ZNF423: variants seen among roughly 807,000 people sequenced by gnomAD.
The protein encoded by ZNF423 is zinc finger protein 423.
Under a neutral mutation model 95.8 loss-of-function variants are expected in ZNF423, and 12 were observed. The observed-to-expected ratio is 0.13, with a 90% CI of 0.08 to 0.20. The LOEUF is 0.20. ZNF423 is among the 10% of genes least tolerant of loss of function. The pLI, the probability that ZNF423 is intolerant of heterozygous loss-of-function variation, is 1.00. For synonymous variants in ZNF423, 749 were observed against 711.9 expected (o/e 1.05, Z -0.83); for missense variants, 1,316 against 1,737.1 (o/e 0.76, Z 4.31).
chr16:49,614,330 C>A (rs945590922), intron 5 of ZNF423, among the ~76,000 whole-genome samples: 7 of 152,242 alleles, frequency 4.6e-5, no homozygotes, highest in African/African-American at 1.7e-4. Context: ...GAAATGTGAT[C>A]TTTCCTACAT....
At chr16:49,763,081 T>A (rs1438409734) in intron 2 of ZNF423, among the ~76,000 whole-genome samples, 2 of 152,022 alleles carry the variant, frequency 1.3e-5, no homozygotes, top group Non-Finnish European at 2.9e-5. Context: ...TCACCCAGGC[T>A]AGTCTCAAAC....
chr16:49,664,363 G>C, intron 3 of ZNF423: 3 of 908,950 alleles, frequency 3.3e-6, no homozygotes, highest in Non-Finnish European at 3.9e-6. Flanking sequence ...GGAAGAAAAG[G>C]GGCTGGGAAA....
At position 49,635,717 on chromosome 16, in the gene ZNF423, G is replaced by T. The variant is rs1200882840; in HGVS notation, c.3459C>A (p.Asp1153Glu). Reference sequence around the variant, plus strand: ...GGGGCCCACTGGTCTCCGGCGTGAGGTCACGGTGGTCCACCTGCATGTGGC... The same window carrying T: ...GGGGCCCACTGGTCTCCGGCGTGAGTTCACGGTGGTCCACCTGCATGTGGC... Reference protein sequence around the residue: ...LESHMQVDHRDLTPETSGPRK... With the variant: ...LESHMQVDHRELTPETSGPRK... The change falls in exon 4 of 8, where the codon GAC (aspartate) becomes GAA (glutamate). Residue 1153 changes from aspartate to glutamate, a missense_variant. Asp to Glu is a conservative substitution (Grantham distance 45). This residue lies in a region of ZNF423 where 620 missense variants were observed against 775.6 expected (regional missense o/e 0.80). Transcript: ENST00000563137. The surrounding 1 kb of genome is among the most constrained non-coding windows in gnomAD (Gnocchi z 4.8). 4 of 1,609,550 alleles carry T rather than the reference G, an allele frequency of 2.5e-6. No individual in the cohort carries two copies. In the East Asian group the frequency reaches 8.9e-5, roughly 36 times the overall value.
chr16:49,796,261 G>A (rs77603390), intron 1 of ZNF423, among the ~76,000 whole-genome samples: 13,291 of 152,178 alleles, frequency 0.087, 715 homozygotes, highest in Middle Eastern at 0.15. Context: ...TGCCACCACC[G>A]AGATCCCTTG....
chr16:49,661,719 G>A (rs1567274223), intron 3 of ZNF423, among the ~76,000 whole-genome samples: 1 of 152,196 alleles, frequency 6.6e-6, no homozygotes, highest in Non-Finnish European at 1.5e-5. Context: ...AATTCCTGGG[G>A]CAGTGAGCAC....
In ZNF423 at chr16:49,855,002, T is replaced by C; in HGVS notation, c.40+733A>G. On this transcript the variant is annotated intron_variant, in intron 1 of 7. Transcript: ENST00000563137. The surrounding 1 kb of genome is among the most constrained non-coding windows in gnomAD (Gnocchi z 4.7). ...GCGGAGGGGCGCGCACCGCGGCCGC[T>C]GAGCTCCCCTGAGGACCTGCGTCCC... The C allele has an allele frequency of 4.1e-6, 4 of 984,360 alleles. No homozygotes were observed. The highest frequency in any genetic ancestry group is 2.4e-6 in the Non-Finnish European group (2 of 829,568). 61.0% of individuals were successfully genotyped at this position (984,360 alleles called of 1,614,324 possible). A position where few individuals can be genotyped will look rare whatever the true frequency, so the allele number is the denominator to read the frequency against.
intron 3 of ZNF423, among the ~76,000 whole-genome samples, chr16:49,696,313 G>A (rs1247507914): frequency 7.2e-5 from 11 of 152,150 alleles, no homozygotes; most frequent in Admixed American, 5.9e-4. Context: ...TCATACATGG[G>A]GTATTATTAT....
chr16:49,525,694 G>A (rs1240591643), intron 5 of ZNF423, among the ~76,000 whole-genome samples, 200 bp from the exon 6 acceptor site: 1 of 152,120 alleles, frequency 6.6e-6, no homozygotes. Context: ...CAGAGGACCG[G>A]CTCCAAATAT....
At chr16:49,555,948 C>A (rs888936700) in intron 5 of ZNF423, among the ~76,000 whole-genome samples, 1 of 152,106 alleles carries the variant, frequency 6.6e-6, no homozygotes, top group African/African-American at 2.4e-5. Context: ...CTTTCCTTAA[C>A]CCAATGCCTC....
At chr16:49,649,542 A>AT (rs1221767313) in intron 3 of ZNF423, among the ~76,000 whole-genome samples, 1 of 152,034 alleles carries the variant, frequency 6.6e-6, no homozygotes, top group African/African-American at 2.4e-5. Flanking sequence ...GGTACCCAGC[A>AT]TTCTTAGGTT....
intron 4 of ZNF423, among the ~76,000 whole-genome samples, chr16:49,628,569 C>T (rs76965991): frequency 0.014 from 2,164 of 152,306 alleles, 29 homozygotes; most frequent in Non-Finnish European, 0.021. Context: ...ATCCATCTAT[C>T]TATCTATTTT....
At chr16:49,581,298 G>A (rs1239144756) in intron 5 of ZNF423, among the ~76,000 whole-genome samples, 2 of 152,212 alleles carry the variant, frequency 1.3e-5, no homozygotes, top group African/African-American at 2.4e-5. Flanking sequence ...TGTGCTATCC[G>A]AGGTAAACAT....
At chr16:49,653,129 G>A (rs962742788) in intron 3 of ZNF423, among the ~76,000 whole-genome samples, 4 of 152,030 alleles carry the variant, frequency 2.6e-5, no homozygotes, top group Non-Finnish European at 5.9e-5. Context: ...GGGCTGCAGC[G>A]GCAAAACCTC....
intron 3 of ZNF423, among the ~76,000 whole-genome samples, chr16:49,659,835 G>T (rs919787504): frequency 1.3e-5 from 2 of 152,198 alleles, no homozygotes; most frequent in African/African-American, 4.8e-5. Context: ...GTGGTGCTGG[G>T]CCTACAGTCT....
intron 3 of ZNF423, among the ~76,000 whole-genome samples, chr16:49,702,316 CA>C (rs2032207198): frequency 6.6e-6 from 1 of 152,202 alleles, no homozygotes; most frequent in Non-Finnish European, 1.5e-5. Flanking sequence ...GAGGCCAAGG[CA>C]GCCAGGGACG....
chr16:49,677,416 G>A (rs1163634456), intron 3 of ZNF423, among the ~76,000 whole-genome samples: 7 of 138,184 alleles, frequency 5.1e-5, no homozygotes, highest in African/African-American at 1.9e-4. Flanking sequence ...AGAATGGAAG[G>A]GAAGGAAGGA....
At chr16:49,858,152 G>A (rs375052905), upstream of ZNF423, among the ~76,000 whole-genome samples, 4 of 152,036 alleles carry the variant, frequency 2.6e-5, no homozygotes, top group Non-Finnish European at 5.9e-5. This position sits in a 1 kb window ranked among gnomAD's most constrained non-coding sequence, Gnocchi z 4.3. Context: ...AGAGGGGAGG[G>A]CTACGTCCCC....
intron 3 of ZNF423, among the ~76,000 whole-genome samples, chr16:49,655,995 C>A (rs895910437): frequency 2.6e-5 from 4 of 151,964 alleles, no homozygotes; most frequent in African/African-American, 9.7e-5. Flanking sequence ...AGTGTCTGTC[C>A]CACCTCCCTC....
intron 7 of ZNF423, among the ~76,000 whole-genome samples, chr16:49,507,593 C>T (rs1218767335): frequency 6.6e-6 from 1 of 151,828 alleles, no homozygotes; most frequent in Non-Finnish European, 1.5e-5. Context: ...CTTGCCTCCT[C>T]CGCTCAAACA....
Sources: gnomAD v4.1 joint callset for allele counts (sites outside exome capture counted in the v4.1 genomes callset) on GRCh38, gnomAD v4.1.1 for gene constraint, gnomAD v4.1.1 regional missense constraint, Gnocchi (gnomAD v3.1) non-coding constraint, MANE v1.5 for transcripts, NCBI Gene and HGNC (gene_info 2026-07-23, HGNC 2026-07-21) for gene names.